HSDL1: variants seen among roughly 807,000 people sequenced by gnomAD.
The protein encoded by HSDL1 is inactive hydroxysteroid dehydrogenase-like protein 1.
Under a neutral mutation model 31.5 loss-of-function variants are expected in HSDL1, and 29 were observed. That is an observed-to-expected ratio of 0.92 (90% CI 0.69 to 1.26). The LOEUF (loss-of-function observed/expected upper bound fraction) is 1.26. Among genes scored for constraint, HSDL1 ranks in the 50% most tolerant of loss-of-function variants. HSDL1 has a pLI of 0.00. For synonymous variants in HSDL1, 222 were observed against 155.2 expected (o/e 1.43, Z -3.20); for missense variants, 503 against 416.6 (o/e 1.21, Z -1.81).
rs34136601 is a variant in HSDL1 at position 84,126,736 on chromosome 16, C to CCACA, written c.895-2012_895-2009dup. On this transcript the variant is annotated intron_variant, in intron 5 of 5. Coordinates refer to ENST00000219439, the MANE Select transcript of HSDL1 (RefSeq NM_031463.5). ...CTCTCCAGGGAGGACACACCCACAC[C>CCACA]CACACACACACACACTCACGCACTT... Among the ~76,000 whole-genome samples the CCACA allele has an allele frequency of 3.0e-3, 448 of 151,228 alleles. 3 individuals are homozygous for CCACA. The highest frequency in any genetic ancestry group is 4.0e-3 in the African/African-American group (166 of 41,288).
intron 1 of HSDL1, among the ~76,000 whole-genome samples, chr16:84,136,830 G>A (rs1350589008): frequency 1.3e-5 from 2 of 152,202 alleles, no homozygotes; most frequent in African/African-American, 4.8e-5. Flanking sequence ...GGCATTCAAG[G>A]TCTGGTCCTC....
chr16:84,127,209 C>CTTTTTTTTTTT (rs71148881), intron 5 of HSDL1, among the ~76,000 whole-genome samples: 15 of 93,394 alleles, frequency 1.6e-4, no homozygotes, highest in East Asian at 3.2e-4. Flanking sequence ...ACTGTTTCTT[C>CTTTTTTTTTTT]TTTTTTTTTT....
chr16:84,132,385 T>A (rs879796022), intron 2 of HSDL1, among the ~76,000 whole-genome samples: 35 of 151,534 alleles, frequency 2.3e-4, no homozygotes, highest in East Asian at 9.7e-4. Context: ...AAAAAAAAAA[T>A]TTTTTTTAAA....
At chr16:84,141,734 T>C (rs925707468) in intron 1 of HSDL1, among the ~76,000 whole-genome samples, 1 of 152,218 alleles carries the variant, frequency 6.6e-6, no homozygotes, top group African/African-American at 2.4e-5. Flanking sequence ...AATTTACATT[T>C]CCCTGGTTAC....
intron 5 of HSDL1, chr16:84,125,150 G>GCAATCACAACAAATACCCACCAAT (rs1567517452): frequency 1.0e-5 from 1 of 98,290 alleles, no homozygotes; most frequent in Non-Finnish European, 2.0e-5. Context: ...TACCCACCAA[G>GCAATCACAACAAATACCCACCAAT]CAATCACAAC....
chr16:84,136,222 G>A (rs1022376631), intron 1 of HSDL1, among the ~76,000 whole-genome samples: 7 of 152,324 alleles, frequency 4.6e-5, no homozygotes, highest in Non-Finnish European at 7.3e-5. Context: ...GGAGGAAGGC[G>A]TCCTACAGTG....
Position 84,123,482 on chromosome 16 carries a change from T to C in HSDL1, c.*1148A>G, listed in dbSNP as rs2086574321. 1 of 152,234 alleles carries C rather than the reference T, an allele frequency of 6.6e-6. No individual in the cohort carries two copies. The highest frequency in any genetic ancestry group is 2.4e-5 in the African/African-American group (1 of 41,456). 9.4% of individuals were successfully genotyped at this position (152,234 alleles called of 1,614,324 possible). A position where few individuals can be genotyped will look rare whatever the true frequency, so the allele number is the denominator to read the frequency against. On this transcript the variant is annotated 3_prime_UTR_variant, in exon 6 of 6. Transcript: ENST00000219439. ...AAGGACATTTCACAGGTTTCAATGT[T>C]AACGCGTATTGTGAGGGTTTGTGCA... is the stretch of plus-strand genomic sequence containing the variant.
Position 84,130,217 on chromosome 16 carries a change from A to G in HSDL1, c.435T>C (p.Val145=), listed in dbSNP as rs1306233506. Reference sequence around the variant, plus strand: ...CACCCACGTTATTTACCAAGATGCCAACGTCTTTGTCCTTCAGGGCTTCTC... The same window carrying G: ...CACCCACGTTATTTACCAAGATGCCGACGTCTTTGTCCTTCAGGGCTTCTC... ...PIREALKDKD[V]GILVNNVGVF... The change falls in exon 4 of 6, where the codon GTT becomes GTC. Residue 145 remains valine (V), a synonymous_variant. Transcript: ENST00000219439. 6.2e-7 allele frequency: 1 copy of G among 1,614,236 alleles called. No individual in the cohort carries two copies. Among genetic ancestry groups the G allele is most frequent in the South Asian group, 1.1e-5 (1 of 91,086 alleles).
At chr16:84,133,651 C>G (rs1399942644) in intron 2 of HSDL1, among the ~76,000 whole-genome samples, 2 of 152,198 alleles carry the variant, frequency 1.3e-5, no homozygotes, top group East Asian at 3.9e-4. Context: ...ACTGCTTGAA[C>G]CCGGGAGGAG....
intron 5 of HSDL1, 71 bp downstream of exon 5, chr16:84,129,477 G>C (rs1393156305): frequency 5.5e-6 from 6 of 1,091,936 alleles, no homozygotes; most frequent in African/African-American, 3.1e-5. Flanking sequence ...GCTTTAATCA[G>C]ATTTCTCTGT....
At chr16:84,133,001 T>C (rs16962870) in intron 2 of HSDL1, among the ~76,000 whole-genome samples, 41,303 of 146,994 alleles carry the variant, frequency 0.28, 6,731 homozygotes, top group East Asian at 0.4. Context: ...AAAGTCTGGA[T>C]ACTAAGAAAA....
chr16:84,143,974 C>G (rs953050772), intron 1 of HSDL1, among the ~76,000 whole-genome samples: 1 of 151,964 alleles, frequency 6.6e-6, no homozygotes, highest in Non-Finnish European at 1.5e-5. Flanking sequence ...AGATCGCAGG[C>G]ACCATTGCAC....
At position 84,130,032 on chromosome 16, in the gene HSDL1, G is replaced by C; in HGVS notation, c.620C>G (p.Ser207Cys). The C allele has an allele frequency of 6.2e-7, 1 of 1,614,136 alleles. No individual in the cohort carries two copies. Among genetic ancestry groups the C allele is most frequent in the Non-Finnish European group, 8.5e-7 (1 of 1,180,032 alleles). ...KGAIVTISSG[S>C]CCKPTPQLAA... ...CAGCTGAGGAGTGGGTTTGCAGCAG[G>C]AGCCAGAAGAGATCGTGACGATGGC... Residue 207 changes from serine (S) to cysteine (C), a missense_variant, in exon 4 of 6, where the codon TCC becomes TGC. Coordinates refer to ENST00000219439, the MANE Select transcript of HSDL1 (RefSeq NM_031463.5).
chr16:84,143,158 CA>C (rs745892247), intron 1 of HSDL1, among the ~76,000 whole-genome samples: 2 of 152,186 alleles, frequency 1.3e-5, no homozygotes, highest in Non-Finnish European at 2.9e-5. Flanking sequence ...TGCATGTTCA[CA>C]GTGGCCTACT....
In HSDL1 at chr16:84,130,364, C is replaced by T; in HGVS notation, c.288G>A (p.Leu96=). ...ELASRGLNII[L]ISRNEEKLQV... ...GCAACTTCTCCTCGTTCCGACTAAT[C>T]AGGATTATATTGAGACCTCGGCTTG... Residue 96 remains leucine (L), a synonymous_variant, in exon 4 of 6, where the codon CTG becomes CTA. Transcript: ENST00000219439. 2.5e-6 allele frequency: 4 copies of T among 1,614,158 alleles called. No homozygotes were observed. The highest frequency in any genetic ancestry group is 1.1e-5 in the South Asian group (1 of 91,070).
chr16:84,142,669 C>T (rs1036719958), intron 1 of HSDL1, among the ~76,000 whole-genome samples: 1 of 151,980 alleles, frequency 6.6e-6, no homozygotes, highest in Admixed American at 6.6e-5. Flanking sequence ...TGGTCTTGAA[C>T]TCCTGACCTT....
intron 1 of HSDL1, among the ~76,000 whole-genome samples, chr16:84,139,746 C>G (rs1272119360): frequency 6.6e-6 from 1 of 152,150 alleles, no homozygotes; most frequent in African/African-American, 2.4e-5. Flanking sequence ...GCCAAAACCA[C>G]TATGTGTATT....
At chr16:84,131,430 A>G (rs569949735) in intron 2 of HSDL1, 103 bp from the exon 3 acceptor site, 1 of 778,956 alleles carries the variant, frequency 1.3e-6, no homozygotes, top group Non-Finnish European at 2.2e-6. Context: ...GATCTTGTCA[A>G]TTGTACGTTC....
At chr16:84,141,023 G>A (rs1352433737) in intron 1 of HSDL1, among the ~76,000 whole-genome samples, 1 of 150,818 alleles carries the variant, frequency 6.6e-6, no homozygotes, top group African/African-American at 2.5e-5. Context: ...CCCGGAAGGC[G>A]GAGCTTGCAG....
Sources: allele counts gnomAD v4.1 joint callset (sites outside exome capture counted in the v4.1 genomes callset), GRCh38; gene constraint gnomAD v4.1.1; transcripts MANE v1.5; gene names NCBI Gene and HGNC (gene_info 2026-07-23, HGNC 2026-07-21).